NIN: variants seen among roughly 807,000 people sequenced by gnomAD.
The protein encoded by NIN is glycogen synthase kinase 3 beta-interacting protein.
NIN carries 137 observed loss-of-function variants against 257.6 expected under a neutral mutation model. The observed-to-expected ratio is 0.53, with a 90% CI of 0.46 to 0.61. The LOEUF (loss-of-function observed/expected upper bound fraction) is 0.61. Among genes scored for constraint, NIN ranks in the 20% least tolerant of loss-of-function variants. The pLI, the probability that NIN is intolerant of heterozygous loss-of-function variation, is 0.00. For synonymous variants in NIN, 918 were observed against 919.8 expected (o/e 1.00, Z 0.04); for missense variants, 2,439 against 2,501.2 (o/e 0.98, Z 0.53).
At chr14:50,772,232 C>G (rs985705411) in intron 9 of NIN, 69 bp downstream of exon 9, 1 of 1,388,878 alleles carries the variant, frequency 7.2e-7, no homozygotes, top group African/African-American at 1.4e-5. Context: ...TCACAGTTTC[C>G]AAAAAATAAA....
chr14:50,770,687 C>T, intron 11 of NIN, 125 bp from the exon 12 acceptor site: 1 of 1,355,178 alleles, frequency 7.4e-7, no homozygotes, highest in Non-Finnish European at 1.0e-6. Context: ...CTAGTGTACC[C>T]TGCTTTCCCT....
At chr14:50,767,177 C>A (rs1461089183) in intron 12 of NIN, among the ~76,000 whole-genome samples, 1 of 152,176 alleles carries the variant, frequency 6.6e-6, no homozygotes, top group Non-Finnish European at 1.5e-5. Flanking sequence ...GTGTCTAGTA[C>A]AAACTGTAAG....
At chr14:50,821,827 G>T in intron 3 of NIN, 47 bp downstream of exon 3, 1 of 1,528,974 alleles carries the variant, frequency 6.5e-7, no homozygotes, top group Non-Finnish European at 9.0e-7. Flanking sequence ...CACCCCGGCA[G>T]AAACCGCACC....
intron 5 of NIN, among the ~76,000 whole-genome samples, chr14:50,784,991 T>C (rs902320897): frequency 6.6e-6 from 1 of 152,252 alleles, no homozygotes; most frequent in African/African-American, 2.4e-5. Flanking sequence ...GGCCCCAAAA[T>C]GGCTGCTCAC....
chr14:50,759,731 C>T (rs887821053), intron 17 of NIN, 126 bp downstream of exon 17: 10 of 963,496 alleles, frequency 1.0e-5, no homozygotes, highest in East Asian at 7.3e-5. Flanking sequence ...CCTCGTGATC[C>T]GCCCACCTCG....
intron 21 of NIN, among the ~76,000 whole-genome samples, chr14:50,750,796 G>A (rs1284753814): frequency 2.0e-5 from 3 of 152,144 alleles, no homozygotes; most frequent in Non-Finnish European, 4.4e-5. Context: ...TATGTGAAAC[G>A]TTACTATGGT....
rs761296440 is a variant in NIN at position 50,734,851 on chromosome 14, A to ATTTT, written c.5877+661_5877+664dup. ...GCCACCACACCTGGCTAATTTTTGTATTTTTTTTTTTTTTTGTAGAGACAG... is the reference window on the plus strand; with the variant it reads ...GCCACCACACCTGGCTAATTTTTGTATTTTTTTTTTTTTTTTTTTGTAGAGACAG... On this transcript the variant is annotated intron_variant, in intron 28 of 30. Coordinates refer to ENST00000530997, the MANE Select transcript of NIN (RefSeq NM_020921.4). Among the ~76,000 whole-genome samples, 8 of 135,474 alleles carry ATTTT rather than the reference A, an allele frequency of 5.9e-5. No individual in the cohort carries two copies. In the East Asian group the frequency reaches 1.7e-3, roughly 29 times the overall value. The allele number at this position is 135,474 out of a possible 152,430, so 88.9% of individuals were successfully genotyped here.
Position 50,756,512 on chromosome 14 carries a change from CT to C in NIN, c.4517del (p.Gln1506ArgfsTer7). 2 of 1,603,410 alleles carry C rather than the reference CT, an allele frequency of 1.2e-6. No homozygotes were observed. The highest frequency in any genetic ancestry group is 1.7e-6 in the Non-Finnish European group (2 of 1,175,664). ...ATTACCTCAGAAGTTCAACTTTTTG[CT>C]GCATCTCACTGCACGTGATCTGCAA... Reference protein sequence around the residue: ...HDLQITCSEMQQKVELLRYES... With the variant: ...HDLQITCSEMXQKVELLRYES... On this transcript the variant is annotated frameshift_variant, in exon 18 of 31. Coordinates refer to ENST00000530997, the MANE Select transcript of NIN (RefSeq NM_020921.4). LOFTEE classifies it high-confidence loss of function.
At chr14:50,778,687 G>T (rs2043011834) in intron 6 of NIN, 78 bp downstream of exon 6, 2 of 1,240,594 alleles carry the variant, frequency 1.6e-6, no homozygotes, top group South Asian at 2.4e-5. Flanking sequence ...TGCAGCATAA[G>T]AGATCAGAAA....
At chr14:50,761,728 A>G in intron 16 of NIN, 62 bp downstream of exon 16, 1 of 1,590,796 alleles carries the variant, frequency 6.3e-7, no homozygotes, top group Non-Finnish European at 8.6e-7. Flanking sequence ...GAAATGCCCT[A>G]CACACATAAG....
At chr14:50,730,559 G>A (rs1240669210) in intron 28 of NIN, among the ~76,000 whole-genome samples, 1 of 148,714 alleles carries the variant, frequency 6.7e-6, no homozygotes, top group East Asian at 2.0e-4. Context: ...ACTAAATGTT[G>A]TCATGAAATG....
intron 29 of NIN, among the ~76,000 whole-genome samples, chr14:50,726,958 TAAAAG>T (rs1192481813): frequency 6.6e-6 from 1 of 152,054 alleles, no homozygotes; most frequent in Non-Finnish European, 1.5e-5. Context: ...CACTTAATCA[TAAAAG>T]AAACCCTAAA....
At chr14:50,824,253 A>T (rs553090942) in intron 2 of NIN, among the ~76,000 whole-genome samples, 33 of 152,362 alleles carry the variant, frequency 2.2e-4, no homozygotes, top group African/African-American at 7.9e-4. Flanking sequence ...TGATGTACTG[A>T]GAAGCCCTGA....
At position 50,792,707 on chromosome 14, in the gene NIN, C is replaced by T. The variant is rs2043653127; in HGVS notation, c.435+5G>A. On this transcript the variant is annotated splice_donor_5th_base_variant and intron_variant, in intron 5 of 30. Coordinates refer to ENST00000530997, the MANE Select transcript of NIN (RefSeq NM_020921.4). ...CCAGATGAACGTGCATGCCCGATTC[C>T]TTACCTCACTGCAGTCACCGGCTGG... 6.2e-7 allele frequency: 1 copy of T among 1,614,028 alleles called. No individual in the cohort carries two copies. The highest frequency in any genetic ancestry group is 8.5e-7 in the Non-Finnish European group (1 of 1,180,024).
At chr14:50,756,157 T>TA (rs34167631) in intron 18 of NIN, among the ~76,000 whole-genome samples, 110,998 of 147,540 alleles carry the variant, frequency 0.75, 41,637 homozygotes, top group Admixed American at 0.82. Context: ...CTTAGCAAAA[T>TA]AAAAAAAAAA....
At chr14:50,823,232 C>G (rs1472112124) in intron 2 of NIN, 1 of 574,514 alleles carries the variant, frequency 1.7e-6, no homozygotes, top group Non-Finnish European at 3.5e-6. Flanking sequence ...ACCTGCACAT[C>G]TGAAGATGCC....
intron 4 of NIN, among the ~76,000 whole-genome samples, chr14:50,802,437 C>A (rs1182611116): frequency 6.6e-6 from 1 of 152,114 alleles, no homozygotes; most frequent in Non-Finnish European, 1.5e-5. Flanking sequence ...AATGGCAGAG[C>A]CCAAGACTAT....
intron 21 of NIN, among the ~76,000 whole-genome samples, chr14:50,748,624 T>A (rs1044843786): frequency 6.6e-6 from 1 of 152,180 alleles, no homozygotes; most frequent in African/African-American, 2.4e-5. Flanking sequence ...TTCAGCAAAG[T>A]CTCAGGATAC....
intron 6 of NIN, 118 bp downstream of exon 6, chr14:50,778,647 C>T: frequency 1.2e-6 from 1 of 845,810 alleles, no homozygotes; most frequent in Non-Finnish European, 2.0e-6. Flanking sequence ...TTTTTTGTTG[C>T]TGTTGTTCTT....
Sources: gnomAD v4.1 joint callset for allele counts (sites outside exome capture counted in the v4.1 genomes callset) on GRCh38, gnomAD v4.1.1 for gene constraint, MANE v1.5 for transcripts, NCBI Gene and HGNC (gene_info 2026-07-23, HGNC 2026-07-21) for gene names.